The following PFKFB1 variants were observed in gnomAD, a reference collection of about 807,000 sequenced individuals.
PFKFB1 encodes the protein 6-phosphofructo-2-kinase/fructose-2,6-biphosphatase 1, also known as 6-phosphofructo-2-kinase/fructose-2,6-bisphosphatase 1.
PFKFB1 carries 34 observed loss-of-function variants against 46.4 expected under a neutral mutation model. The ratio of observed to expected loss-of-function variants is 0.73; its 90% CI spans 0.56 to 0.98. The LOEUF is 0.98. Among genes scored for constraint, PFKFB1 ranks in the 50% least tolerant of loss-of-function variants. The pLI is 0.00. For missense variants in PFKFB1, 393 were observed against 376.3 expected (o/e 1.04, Z -0.37); for synonymous variants, 119 against 133.8 (o/e 0.89, Z 0.76).
At chrX:54,959,660 G>A (rs1443834170) in intron 4 of PFKFB1, among the ~76,000 whole-genome samples, 167 bp downstream of exon 4, 3 of 111,351 alleles carry the variant, frequency 2.7e-5, no homozygotes. Flanking sequence ...GCTCTGAATT[G>A]GGGCATAATA....
intron 8 of PFKFB1, among the ~76,000 whole-genome samples, chrX:54,951,124 G>A (rs1933961460): frequency 8.8e-6 from 1 of 113,021 alleles, no homozygotes; most frequent in African/African-American, 3.2e-5. Context: ...ATCCCCAAGC[G>A]GTCCTGCCAG....
Position 54,958,375 on chromosome X carries a change from C to G in PFKFB1, c.460-13G>C. On this transcript the variant is annotated splice_polypyrimidine_tract_variant and intron_variant, in intron 5 of 13. Transcript: ENST00000375006. ...CAATGAAAAACACCTATAAAAGAAA[C>G]AGAAAAGAGATTTCCAGCAGGAAAT... 9.1e-7 allele frequency: 1 copy of G among 1,097,115 alleles called. No homozygotes were observed. Among genetic ancestry groups the G allele is most frequent in the Non-Finnish European group, 1.3e-6 (1 of 794,732 alleles). 90.4% of individuals were successfully genotyped at this position (1,097,115 alleles called of 1,213,427 possible). A position where few individuals can be genotyped will look rare whatever the true frequency, so the allele number is the denominator to read the frequency against.
At chrX:54,941,191 G>A (rs777482322) in intron 10 of PFKFB1, among the ~76,000 whole-genome samples, 3 of 112,269 alleles carry the variant, frequency 2.7e-5, no homozygotes, top group African/African-American at 9.7e-5. Context: ...CTAGCCACAT[G>A]TAGAAAGCTG....
chrX:54,993,381 C>G (rs778974763), intron 1 of PFKFB1, among the ~76,000 whole-genome samples: 2 of 111,551 alleles, frequency 1.8e-5, no homozygotes, highest in Non-Finnish European at 3.8e-5. Context: ...CCAACCTAGG[C>G]AGGTATAGAC....
At chrX:54,959,956 T>C in intron 3 of PFKFB1, 63 bp from the exon 4 acceptor site, 2 of 751,477 alleles carry the variant, frequency 2.7e-6, no homozygotes, top group African/African-American at 4.1e-5. Context: ...TTCTCTCTCA[T>C]TGTCTGCAGT....
intron 10 of PFKFB1, among the ~76,000 whole-genome samples, chrX:54,941,829 G>C (rs78210261): frequency 2.7e-5 from 3 of 112,210 alleles, no homozygotes; most frequent in African/African-American, 3.2e-5. Context: ...GTGGAAGTCA[G>C]TGTGGCGTCT....
rs751759536 is a variant in PFKFB1, at chrX:54,980,710, AACACACAC to A, written c.97+13193_97+13200del. The stretch of plus-strand genomic sequence containing the variant: ...TACCCGTGTAGGAAGAAAAAAAGCC[AACACACAC>A]ACACACACACACACACACACACACA... On this transcript the variant is annotated intron_variant, in intron 1 of 13. Coordinates refer to ENST00000375006, the MANE Select transcript of PFKFB1 (RefSeq NM_002625.4). Among the ~76,000 whole-genome samples, 449 of 83,367 alleles carry A rather than the reference AACACACAC, an allele frequency of 5.4e-3. 3 individuals are homozygous for A. Among genetic ancestry groups the A allele is most frequent in the African/African-American group, 0.014 (313 of 22,416 alleles). 72.4% of individuals were successfully genotyped at this position (83,367 alleles called of 115,157 possible).
Position 54,934,366 on chromosome X carries a change from T to C in PFKFB1, c.1292-481A>G, listed in dbSNP as rs543361823. Among the ~76,000 whole-genome samples, 18 of 111,506 alleles carry C rather than the reference T, an allele frequency of 1.6e-4. No individual in the cohort carries two copies. The South Asian group carries it at 6.9e-3, about 43-fold the overall frequency. ...TGTGGTTGTGGCAACACCAGGAGTA[T>C]GGAAGTTCACCTGGGAGTTTTAGGA... On this transcript the variant is annotated intron_variant, in intron 12 of 13. Coordinates refer to ENST00000375006, the MANE Select transcript of PFKFB1 (RefSeq NM_002625.4).
chrX:54,951,973 C>T lies in PFKFB1; in HGVS notation c.778G>A (p.Gly260Ser), dbSNP rs1234598701. Residue 260 changes from glycine (G) to serine (S), a missense_variant, in exon 8 of 14, where the codon GGC becomes AGC. Gly to Ser is a moderately conservative substitution (Grantham distance 56). Transcript: ENST00000375006. Reference protein sequence around the residue: ...TPRSIYLCRHGESELNIRGRI... With the variant: ...TPRSIYLCRHSESELNIRGRI... ...CCTCTGATGTTGAGTTCACTCTCGC[C>T]ATGTCGGCAAAGGTAGATGGAGCGA... 8.3e-7 allele frequency: 1 copy of T among 1,210,887 alleles called. No individual in the cohort carries two copies.
chrX:54,935,037 G>A (rs903118936), intron 11 of PFKFB1, 28 bp from the exon 12 acceptor site: 7 of 1,130,315 alleles, frequency 6.2e-6, no homozygotes, highest in Non-Finnish European at 8.5e-6. Context: ...GCAGCCCTCA[G>A]AGGCAGGGTG....
At chrX:54,998,473 C>A, upstream of PFKFB1, 1 of 1,125,241 alleles carries the variant, frequency 8.9e-7, no homozygotes, top group South Asian at 1.9e-5. Context: ...CATTTACAGA[C>A]CCCCAAGGCA....
chrX:54,974,155 C>A (rs1934769803), intron 1 of PFKFB1, among the ~76,000 whole-genome samples: 1 of 111,078 alleles, frequency 9.0e-6, no homozygotes, highest in Non-Finnish European at 1.9e-5. Context: ...ACTACAATGG[C>A]CAAAACAATT....
At chrX:54,941,908 A>C in intron 10 of PFKFB1, among the ~76,000 whole-genome samples, 1 of 112,149 alleles carries the variant, frequency 8.9e-6, no homozygotes. Flanking sequence ...TACCCAAAGG[A>C]GTATAAATTA....
chrX:54,984,322 G>A (rs1021608596), intron 1 of PFKFB1, among the ~76,000 whole-genome samples: 2 of 111,369 alleles, frequency 1.8e-5, no homozygotes, highest in East Asian at 2.8e-4. Flanking sequence ...GAAATTCCTC[G>A]AACTAACAAG....
intron 8 of PFKFB1, among the ~76,000 whole-genome samples, chrX:54,950,315 T>C (rs1256093117): frequency 8.9e-6 from 1 of 111,746 alleles, no homozygotes; most frequent in Non-Finnish European, 1.9e-5. Flanking sequence ...ACATGGTCCC[T>C]TGTGCCCTCG....
At position 54,956,234 on chromosome X, in the gene PFKFB1, C is replaced by T. The variant is rs749962265; in HGVS notation, c.557G>A (p.Arg186Gln). The T allele has an allele frequency of 3.3e-6, 4 of 1,209,552 alleles. No individual in the cohort carries two copies. The highest frequency in any genetic ancestry group is 3.5e-5 in the South Asian group (2 of 56,740). Residue 186 changes from arginine to glutamine, a missense_variant, in exon 7 of 14, where the codon CGG becomes CAG. Coordinates refer to ENST00000375006, the MANE Select transcript of PFKFB1 (RefSeq NM_002625.4). ...TAGAAAGTCTTCCAGAACCTTTTCC[C>T]GGTCACAGTCTATATAATCAGGGCT... ...LGSPDYIDCD[R>Q]EKVLEDFLKR... is the part of the protein sequence containing the mutation.
At chrX:54,972,642 A>G (rs982532662) in intron 1 of PFKFB1, among the ~76,000 whole-genome samples, 3 of 111,713 alleles carry the variant, frequency 2.7e-5, no homozygotes, top group African/African-American at 9.8e-5. Context: ...GATTACATTT[A>G]TTGATTTCCA....
intron 1 of PFKFB1, among the ~76,000 whole-genome samples, chrX:54,986,260 T>A (rs1935110359): frequency 9.0e-6 from 1 of 111,594 alleles, no homozygotes; most frequent in Non-Finnish European, 1.9e-5. Flanking sequence ...GAGACCAGCC[T>A]GGGCAACATA....
chrX:54,936,603 C>T (rs1367013058), intron 11 of PFKFB1, among the ~76,000 whole-genome samples: 1 of 111,610 alleles, frequency 9.0e-6, no homozygotes, highest in Non-Finnish European at 1.9e-5. Flanking sequence ...CAGCACCTGC[C>T]TCATGGTCTC....
Sources: allele counts gnomAD v4.1 joint callset (sites outside exome capture counted in the v4.1 genomes callset), GRCh38; gene constraint gnomAD v4.1.1; transcripts MANE v1.5; gene names NCBI Gene and HGNC (gene_info 2026-07-23, HGNC 2026-07-21).